The following DLL3 variants were observed in gnomAD, a reference collection of about 807,000 sequenced individuals.
DLL3 encodes the protein delta-like protein 3.
DLL3 carries 49 observed loss-of-function variants against 55.0 expected under a neutral mutation model. The observed-to-expected ratio is 0.89, with a 90% confidence interval of 0.71 to 1.13. The LOEUF (loss-of-function observed/expected upper bound fraction) is 1.13. DLL3 is among the 50% of genes most tolerant of loss of function. The pLI is 0.00. For missense variants in DLL3, 962 were observed against 875.5 expected, an observed-to-expected ratio of 1.10 and a Z score of -1.25; for synonymous variants, 421 against 385.2, an observed-to-expected ratio of 1.09 and a Z score of -1.09.
chr19:39,502,854 G>T lies in DLL3; in HGVS notation c.449G>T (p.Arg150Leu). 1 of 1,414,952 alleles carries T rather than the reference G, an allele frequency of 7.1e-7. No individual in the cohort carries two copies. The highest frequency in any genetic ancestry group is 1.5e-5 in the South Asian group (1 of 66,950). 87.6% of individuals were successfully genotyped at this position (1,414,952 alleles called of 1,614,324 possible). A position where few individuals can be genotyped will look rare whatever the true frequency, so the allele number is the denominator to read the frequency against. ...CTGCTGGCGCGCGTGGCTGGCAGGC[G>T]GCGCTTGGCAGCCGGAGGCCCGTGG... ...WSLLARVAGR[R>L]RLAAGGPWAR... The change falls in exon 4 of 9, where the codon CGG (arginine) becomes CTG (leucine). Residue 150 changes from arginine (R) to leucine (L), a missense_variant. Coordinates refer to ENST00000356433, the MANE Select transcript of DLL3 (RefSeq NM_203486.3).
intron 2 of DLL3, 55 bp from the exon 3 acceptor site, chr19:39,500,560 C>G (rs2079604175): frequency 1.3e-6 from 2 of 1,527,258 alleles, no homozygotes; most frequent in Admixed American, 3.4e-5. Flanking sequence ...TCATTGAGTA[C>G]TTACCCTAAC....
rs942651600 is a variant in DLL3, at chr19:39,502,695, G to T, written c.410-120G>T. 4.9e-6 allele frequency: 6 copies of T among 1,226,250 alleles called. No homozygotes were observed. In the South Asian group the frequency reaches 1.7e-4, roughly 35 times the overall value. The allele number at this position is 1,226,250 out of a possible 1,614,324, so 76.0% of individuals were successfully genotyped here. On this transcript the variant is annotated intron_variant, in intron 3 of 8. Transcript: ENST00000356433. Reference sequence around the variant, plus strand: ...ACTCGCGAGGTCCAAGGACCCCAGGGCTCCATGAGGGTGTTTTGGCCTCGC... The same window carrying T: ...ACTCGCGAGGTCCAAGGACCCCAGGTCTCCATGAGGGTGTTTTGGCCTCGC...
chr19:39,507,331 G>A lies in DLL3; in HGVS notation c.1386G>A (p.Ala462=), dbSNP rs561167838. 4 of 1,568,748 alleles carry A rather than the reference G, an allele frequency of 2.5e-6. No individual in the cohort carries two copies. The highest frequency in any genetic ancestry group is 1.7e-4 in the Middle Eastern group (1 of 5,940). ...VCACAPGYMG[A]RCEFPVHPDG... ...CTTGCGCTCCCGGCTACATGGGAGC[G>A]CGGTGTGAGTTCCCAGTGCACCCCG... The change falls in exon 7 of 9, where the codon GCG becomes GCA. Residue 462 remains alanine (A), a synonymous_variant. Transcript: ENST00000356433.
Position 39,507,065 on chromosome 19 carries a change from G to C in DLL3, c.1120G>C (p.Ala374Pro). The C allele has an allele frequency of 6.5e-7, 1 of 1,540,310 alleles. No individual in the cohort carries two copies. The highest frequency in any genetic ancestry group is 1.4e-5 in the African/African-American group (1 of 73,348). Residue 374 changes from alanine (A) to proline (P), a missense_variant, in exon 7 of 9, where the codon GCC becomes CCC. Physicochemically the swap from Ala to Pro is conservative, Grantham distance 27. Transcript: ENST00000356433. ...NGGLCLDLGH[A>P]LRCRCRAGFA... is the part of the protein sequence containing the mutation. ...CGGACTCTGCCTGGACCTGGGCCAC[G>C]CCCTGCGCTGCCGCTGCCGCGCCGG...
At position 39,502,775 on chromosome 19, in the gene DLL3, C is replaced by T. The variant is rs2278440; in HGVS notation, c.410-40C>T. ...CGCTCCGTATGCATCCATGTTCGGC[C>T]GGGCCCACCCCAGCACCCCTCCTTT... On this transcript the variant is annotated intron_variant, in intron 3 of 8. Coordinates refer to ENST00000356433, the MANE Select transcript of DLL3 (RefSeq NM_203486.3). 0.32 allele frequency: 426,267 copies of T among 1,333,112 alleles called. 70,419 individuals carry two copies. The highest frequency in any genetic ancestry group is 0.38 in the Middle Eastern group (1,327 of 3,524). 82.6% of individuals were successfully genotyped at this position (1,333,112 alleles called of 1,614,324 possible). A position where few individuals can be genotyped will look rare whatever the true frequency, so the allele number is the denominator to read the frequency against.
Position 39,503,024 on chromosome 19 carries a change from T to C in DLL3, c.619T>C (p.Cys207Arg), listed in dbSNP as rs1335766222. Residue 207 changes from cysteine (C) to arginine (R), a missense_variant, in exon 4 of 9, where the codon TGC becomes CGC. Physicochemically the swap from Cys to Arg is radical, Grantham distance 180 (BLOSUM62 -3). Coordinates refer to ENST00000356433, the MANE Select transcript of DLL3 (RefSeq NM_203486.3). ...PSRCGPGLRP[C>R]APLEDECEAP... is the part of the protein sequence containing the mutation. ...GCGGTGCGGTCCGGGACTGCGCCCC[T>C]GCGCACCGCTCGAGGACGAATGTGA... is the stretch of plus-strand genomic sequence containing the variant. 2 of 1,515,648 alleles carry C rather than the reference T, an allele frequency of 1.3e-6. No individual in the cohort carries two copies. Among genetic ancestry groups the C allele is most frequent in the Admixed American group, 2.0e-5 (1 of 49,294 alleles). 93.9% of individuals were successfully genotyped at this position (1,515,648 alleles called of 1,614,324 possible). A position where few individuals can be genotyped will look rare whatever the true frequency, so the allele number is the denominator to read the frequency against.
Position 39,505,340 on chromosome 19 carries a change from G to T in DLL3, c.982G>T (p.Val328Phe), listed in dbSNP as rs749513254. ...DGPCFNGGLC[V>F]GGADPDSAYI... The stretch of plus-strand genomic sequence containing the variant: ...ACCCTGCTTCAACGGCGGCTTGTGT[G>T]TCGGGGGTGCAGACCCTGACTCTGC... Residue 328 changes from valine (V) to phenylalanine (F), a missense_variant, in exon 6 of 9, where the codon GTC becomes TTC. Transcript: ENST00000356433. 4.9e-5 allele frequency: 79 copies of T among 1,614,082 alleles called. 1 individual carries two copies. In the Admixed American group the frequency reaches 1.3e-3, roughly 27 times the overall value.
chr19:39,507,542 C>A lies in DLL3; in HGVS notation c.1597C>A (p.Pro533Thr), dbSNP rs1362973069. 2 of 1,606,116 alleles carry A rather than the reference C, an allele frequency of 1.2e-6. No individual in the cohort carries two copies. Among genetic ancestry groups the A allele is most frequent in the African/African-American group, 2.7e-5 (2 of 74,756 alleles). Residue 533 changes from proline (P) to threonine (T), a missense_variant, in exon 7 of 9, where the codon CCG becomes ACG. By Grantham distance (38) the Pro-to-Thr change is conservative (BLOSUM62 -1). Coordinates refer to ENST00000356433, the MANE Select transcript of DLL3 (RefSeq NM_203486.3). ...DAGSRLLAGT[P>T]EPSVHALPDA... ...TGGGTCTCGCTTGCTGGCTGGGACC[C>A]CGGAGCCGTCAGTCCACGCACTCCC... is the stretch of plus-strand genomic sequence containing the variant.
In DLL3 at chr19:39,502,831, G is replaced by A; in HGVS notation, c.426G>A (p.Leu142=). ...TCCTCGCAGGGCCCGCCTGGAGCCTGCTGGCGCGCGTGGCTGGCAGGCGGC... is the reference window on the plus strand; with the variant it reads ...TCCTCGCAGGGCCCGCCTGGAGCCTACTGGCGCGCGTGGCTGGCAGGCGGC... ...GDQIGGPAWS[L]LARVAGRRRL... The change falls in exon 4 of 9, where the codon CTG becomes CTA. Residue 142 remains leucine, a synonymous_variant. Transcript: ENST00000356433. 2 of 1,422,082 alleles carry A rather than the reference G, an allele frequency of 1.4e-6. No individual in the cohort carries two copies. The highest frequency in any genetic ancestry group is 2.9e-5 in the Admixed American group (1 of 34,762). The allele number at this position is 1,422,082 out of a possible 1,614,324, so 88.1% of individuals were successfully genotyped here. A position where few individuals can be genotyped will look rare whatever the true frequency, so the allele number is the denominator to read the frequency against.
At chr19:39,503,754 A>G (rs1412482520) in intron 4 of DLL3, among the ~76,000 whole-genome samples, 1 of 152,002 alleles carries the variant, frequency 6.6e-6, no homozygotes, top group African/African-American at 2.4e-5. Context: ...ACTGTCTCCT[A>G]TCCTCACGAT....
chr19:39,505,789 G>A, intron 6 of DLL3: 1 of 312,944 alleles, frequency 3.2e-6, no homozygotes, highest in South Asian at 3.9e-5. Context: ...GATGAGGTCA[G>A]GGAGGTGACT....
chr19:39,504,295 G>A lies in DLL3; in HGVS notation c.870+7G>A, dbSNP rs2079628580. On this transcript the variant is annotated splice_region_variant and intron_variant, in intron 5 of 8. Transcript: ENST00000356433. ...CAATGGAGGCAGCTGTAGTGTCAGT[G>A]TCACCCTTCCCACCTTGTCCTGCTT... 2.5e-6 allele frequency: 4 copies of A among 1,611,640 alleles called. No homozygotes were observed. The highest frequency in any genetic ancestry group is 3.4e-6 in the Non-Finnish European group (4 of 1,180,006).
In DLL3 at chr19:39,504,256, G is replaced by A. The variant is rs141774764; in HGVS notation, c.838G>A (p.Gly280Arg). The change falls in exon 5 of 9, where the codon GGG (glycine) becomes AGG (arginine). Residue 280 changes from glycine (G) to arginine (R), a missense_variant. Gly to Arg is a moderately radical substitution (Grantham distance 125). Transcript: ENST00000356433. ...CLVPGPGPCD[G>R]NPCANGGSCS... is the part of the protein sequence containing the mutation. ...TGTCCCTGGGCCTGGGCCCTGTGAC[G>A]GGAACCCGTGTGCCAATGGAGGCAG... is the stretch of plus-strand genomic sequence containing the variant. 34 of 1,612,858 alleles carry A rather than the reference G, an allele frequency of 2.1e-5. No homozygotes were observed. In the African/African-American group the frequency reaches 2.4e-4, roughly 11 times the overall value.
At chr19:39,502,716 C>T (rs903880731) in intron 3 of DLL3, 99 bp from the exon 4 acceptor site, 2 of 1,269,580 alleles carry the variant, frequency 1.6e-6, no homozygotes, top group African/African-American at 3.1e-5. Flanking sequence ...GTGTTTTGGC[C>T]TCGCTGGGAG....
At position 39,507,412 on chromosome 19, in the gene DLL3, G is replaced by A; in HGVS notation, c.1467G>A (p.Gln489=). Residue 489 remains glutamine, a synonymous_variant, in exon 7 of 9, where the codon CAG becomes CAA. Coordinates refer to ENST00000356433, the MANE Select transcript of DLL3 (RefSeq NM_203486.3). ...APPGLRPGDP[Q]RYLLPPALGL... is the part of the protein sequence containing the mutation. ...CGGGCCTCAGGCCCGGGGACCCTCA[G>A]CGCTACCTTTTGCCTCCGGCTCTGG... The A allele has an allele frequency of 6.3e-7, 1 of 1,588,518 alleles. No individual in the cohort carries two copies. Among genetic ancestry groups the A allele is most frequent in the Non-Finnish European group, 8.6e-7 (1 of 1,169,538 alleles).
At chr19:39,503,171 C>G (rs934388537) in intron 4 of DLL3, 114 bp downstream of exon 4, 6 of 1,156,108 alleles carry the variant, frequency 5.2e-6, no homozygotes, top group Middle Eastern at 6.0e-4. Context: ...TCAGGGTACT[C>G]TAGAGTCCCC....
intron 3 of DLL3, among the ~76,000 whole-genome samples, chr19:39,501,312 C>T (rs1035426313): frequency 1.3e-5 from 2 of 152,038 alleles, no homozygotes; most frequent in African/African-American, 4.8e-5. Flanking sequence ...CTATGTGAAG[C>T]TCTGTCACCT....
rs754886562 is a variant in DLL3 at position 39,507,324 on chromosome 19, T to G, written c.1379T>G (p.Met460Arg). Reference sequence around the variant, plus strand: ...GTCTGCGCTTGCGCTCCCGGCTACATGGGAGCGCGGTGTGAGTTCCCAGTG... The same window carrying G: ...GTCTGCGCTTGCGCTCCCGGCTACAGGGGAGCGCGGTGTGAGTTCCCAGTG... ...GLVCACAPGY[M>R]GARCEFPVHP... The change falls in exon 7 of 9, where the codon ATG (methionine) becomes AGG (arginine). Residue 460 changes from methionine (M) to arginine (R), a missense_variant. Met to Arg is a moderately conservative substitution (Grantham distance 91, BLOSUM62 -1). Transcript: ENST00000356433. 3.8e-6 allele frequency: 6 copies of G among 1,566,466 alleles called. No homozygotes were observed. The highest frequency in any genetic ancestry group is 1.2e-5 in the South Asian group (1 of 86,932).
At position 39,505,197 on chromosome 19, in the gene DLL3, C is replaced by T. The variant is rs767335941; in HGVS notation, c.871-32C>T. On this transcript the variant is annotated intron_variant, in intron 5 of 8. Coordinates refer to ENST00000356433, the MANE Select transcript of DLL3 (RefSeq NM_203486.3). Reference sequence around the variant, plus strand: ...GGGATGGGATTTTTCTCCAAGGAAACACCCTTCTCAAGTACTCTTGTCCCT... The same window carrying T: ...GGGATGGGATTTTTCTCCAAGGAAATACCCTTCTCAAGTACTCTTGTCCCT... 3.4e-5 allele frequency: 54 copies of T among 1,607,262 alleles called. No individual in the cohort carries two copies. In the Middle Eastern group the frequency reaches 7.9e-4, roughly 23 times the overall value.
Sources: allele counts gnomAD v4.1 joint callset (sites outside exome capture counted in the v4.1 genomes callset), GRCh38; gene constraint gnomAD v4.1.1; transcripts MANE v1.5; gene names NCBI Gene and HGNC (gene_info 2026-07-23, HGNC 2026-07-21).